Variants in ABHD3 observed in about 807,000 individuals in gnomAD.
ABHD3 encodes the protein abhydrolase domain containing 3, phospholipase.
ABHD3 carries 46 observed loss-of-function variants against 48.8 expected under a neutral mutation model. The ratio of observed to expected loss-of-function variants is 0.94; its 90% CI spans 0.74 to 1.20. The LOEUF is 1.20. Ranked by LOEUF, ABHD3 falls within the 50% of genes most tolerant of loss-of-function variation. The probability of loss-of-function intolerance (pLI) is 0.00; values close to 1 mark genes in which losing one functional copy is unlikely to be tolerated. For synonymous variants in ABHD3, 192 were observed against 183.7 expected, an observed-to-expected ratio of 1.04 and a Z score of -0.36; for missense variants, 490 against 497.8, an observed-to-expected ratio of 0.98 and a Z score of 0.15.
intron 5 of ABHD3, among the ~76,000 whole-genome samples, chr18:21,660,828 C>A (rs1254882526): frequency 6.6e-6 from 1 of 152,030 alleles, no homozygotes; most frequent in Non-Finnish European, 1.5e-5. Context: ...TACTCTTCTG[C>A]AAAGGGTTCA....
chr18:21,663,673 A>T, intron 5 of ABHD3: 1 of 1,535,482 alleles, frequency 6.5e-7, no homozygotes, highest in African/African-American at 1.4e-5. Flanking sequence ...AAAACAAAAT[A>T]CCACCTGGGG....
At chr18:21,691,317 C>CAAA in intron 3 of ABHD3, among the ~76,000 whole-genome samples, 1 of 152,258 alleles carries the variant, frequency 6.6e-6, no homozygotes. Flanking sequence ...ACAAAATCTA[C>CAAA]AACTATATTT....
rs1340263741 is a variant in ABHD3 at position 21,656,780 on chromosome 18, CT to C, written c.1057+80del. On this transcript the variant is annotated intron_variant, in intron 8 of 8. Coordinates refer to ENST00000289119, the MANE Select transcript of ABHD3 (RefSeq NM_138340.5). Reference sequence around the variant, plus strand: ...TATCATAATGGAAATGACACATTTTCTTATTACTATATTTCCTTAAAAATAA... The same window carrying C: ...TATCATAATGGAAATGACACATTTTCTATTACTATATTTCCTTAAAAATAA... 1.1e-5 allele frequency: 14 copies of C among 1,273,450 alleles called. No individual in the cohort carries two copies. In the South Asian group the frequency reaches 2.0e-4, roughly 18 times the overall value. 78.9% of individuals were successfully genotyped at this position (1,273,450 alleles called of 1,614,324 possible). A position where few individuals can be genotyped will look rare whatever the true frequency, so the allele number is the denominator to read the frequency against.
At chr18:21,700,851 G>GAAAAAAAAAAAAAAA (rs1568166438) in intron 3 of ABHD3, among the ~76,000 whole-genome samples, 1 of 105,534 alleles carries the variant, frequency 9.5e-6, no homozygotes, top group African/African-American at 4.1e-5. Context: ...AAAAAAAAAT[G>GAAAAAAAAAAAAAAA]GAACCAGGCT....
chr18:21,704,560 G>GGGATAAGCCCACCCCCGAGCC lies in ABHD3; in HGVS notation c.85_105dup (p.Gly29_Ser35dup), dbSNP rs1775969603. 2 of 1,533,866 alleles carry GGGATAAGCCCACCCCCGAGCC rather than the reference G, an allele frequency of 1.3e-6. No homozygotes were observed. The highest frequency in any genetic ancestry group is 2.1e-5 in the Admixed American group (1 of 48,186). Reference sequence around the variant, plus strand: ...TAAGCGACGCTGAAGCCCAGGATAAGGGATAAGCCCACCCCCGAGCCGAAG... The same window carrying GGGATAAGCCCACCCCCGAGCC: ...TAAGCGACGCTGAAGCCCAGGATAAGGGATAAGCCCACCCCCGAGCCGGATAAGCCCACCCCCGAGCCGAAG... On this transcript the variant is annotated inframe_insertion, in exon 1 of 9. Transcript: ENST00000289119.
At chr18:21,704,308 G>T (rs2040585751) in intron 1 of ABHD3, among the ~76,000 whole-genome samples, 196 bp downstream of exon 1, 1 of 152,128 alleles carries the variant, frequency 6.6e-6, no homozygotes, top group Non-Finnish European at 1.5e-5. Flanking sequence ...AGGACCACCC[G>T]GCCGGGACCC....
At chr18:21,695,284 C>T (rs2040345679) in intron 3 of ABHD3, among the ~76,000 whole-genome samples, 1 of 152,210 alleles carries the variant, frequency 6.6e-6, no homozygotes, top group Non-Finnish European at 1.5e-5. Context: ...CCTGCCTTAG[C>T]CTCCCAAAGT....
intron 4 of ABHD3, among the ~76,000 whole-genome samples, chr18:21,675,821 G>A (rs1428114780): frequency 1.3e-5 from 2 of 152,258 alleles, no homozygotes; most frequent in Admixed American, 6.5e-5. Flanking sequence ...CCGTGGACCT[G>A]GTAGCTCATG....
At chr18:21,666,516 G>A (rs2039634246) in intron 4 of ABHD3, among the ~76,000 whole-genome samples, 1 of 151,976 alleles carries the variant, frequency 6.6e-6, no homozygotes, top group Non-Finnish European at 1.5e-5. Flanking sequence ...TTTTAGTAGA[G>A]ACAGGATTTC....
intron 4 of ABHD3, among the ~76,000 whole-genome samples, chr18:21,666,467 C>G (rs1400838102): frequency 6.6e-6 from 1 of 152,114 alleles, no homozygotes; most frequent in Non-Finnish European, 1.5e-5. Context: ...GCTAGGATTA[C>G]AGGTGTGAGC....
rs532715092 is a variant in ABHD3 at position 21,687,337 on chromosome 18, T to C, written c.510-3372A>G. On this transcript the variant is annotated intron_variant, in intron 3 of 8. Transcript: ENST00000289119. ...CATTCTCCTGCCTCAGCCTCCCGAG[T>C]AGCTGGGACTACAGGTGCCTACCAC... Among the ~76,000 whole-genome samples, 3 of 152,168 alleles carry C rather than the reference T, an allele frequency of 2.0e-5. No individual in the cohort carries two copies. The East Asian group carries it at 5.8e-4, about 29-fold the overall frequency.
In ABHD3 at chr18:21,704,499, C is replaced by T; in HGVS notation, c.162+5G>A. On this transcript the variant is annotated splice_donor_5th_base_variant and intron_variant, in intron 1 of 8. Coordinates refer to ENST00000289119, the MANE Select transcript of ABHD3 (RefSeq NM_138340.5). ...GCCCGCGGCCCTGCGCCACCCCCGG[C>T]TCACCTTGGCAATGCTGCTCAGGTA... 2 of 1,419,154 alleles carry T rather than the reference C, an allele frequency of 1.4e-6. No homozygotes were observed. The highest frequency in any genetic ancestry group is 1.9e-6 in the Non-Finnish European group (2 of 1,077,366). The allele number at this position is 1,419,154 out of a possible 1,614,324, so 87.9% of individuals were successfully genotyped here. A position where few individuals can be genotyped will look rare whatever the true frequency, so the allele number is the denominator to read the frequency against.
At chr18:21,689,549 C>CAAAA (rs36011228) in intron 3 of ABHD3, among the ~76,000 whole-genome samples, 8,946 of 41,638 alleles carry the variant, frequency 0.21, 1,788 homozygotes, top group African/African-American at 0.39. Context: ...AATCTGGTCT[C>CAAAA]AAAAAAAAAA....
intron 3 of ABHD3, among the ~76,000 whole-genome samples, chr18:21,686,578 T>C (rs930686480): frequency 8.5e-5 from 13 of 152,212 alleles, no homozygotes; most frequent in African/African-American, 2.9e-4. Context: ...CTTTGGAAAG[T>C]GGATCATAGT....
chr18:21,653,087 GGT>G (rs1307454681), intron 8 of ABHD3, among the ~76,000 whole-genome samples: 1 of 117,038 alleles, frequency 8.5e-6, no homozygotes, highest in Non-Finnish European at 1.7e-5. Flanking sequence ...AAAAGAGCTG[GGT>G]GTGGTGGCTC....
intron 3 of ABHD3, among the ~76,000 whole-genome samples, chr18:21,700,952 CAAAAAAAAAAAAAA>C (rs34993965): frequency 3.7e-5 from 3 of 81,664 alleles, no homozygotes; most frequent in Admixed American, 1.5e-4. Context: ...GATTTGGCCT[CAAAAAAAAAAAAAA>C]AAAAAAAAAG....
intron 2 of ABHD3, among the ~76,000 whole-genome samples, chr18:21,703,192 A>C (rs1175687660): frequency 6.7e-6 from 1 of 149,476 alleles, no homozygotes; most frequent in Non-Finnish European, 1.5e-5. Context: ...CCCAAAACCC[A>C]AATTAAGTGG....
At chr18:21,664,859 T>A (rs1017866490) in intron 4 of ABHD3, among the ~76,000 whole-genome samples, 2 of 152,190 alleles carry the variant, frequency 1.3e-5, no homozygotes, top group South Asian at 2.1e-4. Context: ...GGTCTTGAAC[T>A]CCTGGGTTAC....
chr18:21,665,252 A>T lies in ABHD3; in HGVS notation c.556-1022T>A, dbSNP rs549673591. Among the ~76,000 whole-genome samples the T allele has an allele frequency of 7.1e-4, 107 of 151,370 alleles. No homozygotes were observed. The Middle Eastern group carries it at 0.01, about 15-fold the overall frequency. ...GAGCCACCACGTCTGGCCAAAAAAA[A>T]TTTTTTTGAGACATGGTCCTGCTCT... On this transcript the variant is annotated intron_variant, in intron 4 of 8. Transcript: ENST00000289119.
Sources: allele counts gnomAD v4.1 joint callset (sites outside exome capture counted in the v4.1 genomes callset), GRCh38; gene constraint gnomAD v4.1.1; transcripts MANE v1.5; gene names NCBI Gene and HGNC (gene_info 2026-07-23, HGNC 2026-07-21).